The following USP42 variants were observed in gnomAD, a reference collection of about 807,000 sequenced individuals.
The protein encoded by USP42 is ubiquitin specific peptidase 42, also known as ubiquitin carboxyl-terminal hydrolase 42.
USP42 carries 23 observed loss-of-function variants against 113.0 expected under a neutral mutation model. The observed-to-expected ratio is 0.20, with a 90% confidence interval of 0.15 to 0.29. USP42 has a LOEUF of 0.29. Ranked by LOEUF, USP42 falls within the 10% of genes least tolerant of loss-of-function variation. The pLI is 1.00. For missense variants in USP42, 2,174 were observed against 1,779.8 expected, an observed-to-expected ratio of 1.22 and a Z score of -3.99; for synonymous variants, 933 against 699.0, an observed-to-expected ratio of 1.33 and a Z score of -5.28.
intron 14 of USP42, among the ~76,000 whole-genome samples, chr7:6,153,514 AAG>A (rs1419060774): frequency 2.6e-5 from 4 of 152,174 alleles, no homozygotes; most frequent in African/African-American, 9.7e-5. Flanking sequence ...GATGTATTTA[AAG>A]AGACGAAATA....
the USP42 span, among the ~76,000 whole-genome samples, chr7:6,087,277 C>T: frequency 1.7e-4 from 26 of 150,334 alleles, no homozygotes; most frequent in African/African-American, 6.0e-4. Context: ...GTGATCTGCC[C>T]GCCTTGGCCT....
chr7:6,153,302 C>CA (rs72036975), intron 14 of USP42, among the ~76,000 whole-genome samples: 28,753 of 132,986 alleles, frequency 0.22, 4,438 homozygotes, highest in East Asian at 0.46. Flanking sequence ...TGAAACAAAA[C>CA]AAAAAAAAAA....
At chr7:6,130,014 C>G (rs1780762027) in intron 3 of USP42, among the ~76,000 whole-genome samples, 1 of 152,056 alleles carries the variant, frequency 6.6e-6, no homozygotes, top group African/African-American at 2.4e-5. Context: ...GAGTCAGGGT[C>G]TTACTTTGTT....
chr7:6,130,155 A>G (rs1207509050), intron 3 of USP42, among the ~76,000 whole-genome samples: 2 of 151,910 alleles, frequency 1.3e-5, no homozygotes, highest in African/African-American at 2.4e-5. Context: ...CTGGCCATGG[A>G]TATTTTGGTG....
intron 3 of USP42, among the ~76,000 whole-genome samples, chr7:6,123,547 AG>A (rs1780354246): frequency 1.3e-5 from 2 of 152,124 alleles, no homozygotes; most frequent in Non-Finnish European, 2.9e-5. Flanking sequence ...CTGTAGTCCC[AG>A]CTACTCGGGA....
Position 6,159,855 on chromosome 7 carries a change from G to A in USP42, c.*36+362G>A, listed in dbSNP as rs1782671686. ...AGGGAGAGGCCCGGTCCCCAGCACA[G>A]GCACCTCACTCAGGAGAGCGGAGCC... On this transcript the variant is annotated intron_variant, in intron 17 of 17. Transcript: ENST00000306177. This position sits in a 1 kb window ranked among gnomAD's most constrained non-coding sequence, Gnocchi z 4.1. Among the ~76,000 whole-genome samples, 1 of 152,226 alleles carries A rather than the reference G, an allele frequency of 6.6e-6. No homozygotes were observed. The highest frequency in any genetic ancestry group is 1.5e-5 in the Non-Finnish European group (1 of 68,040).
At chr7:6,135,651 CAAAAAAAAA>C (rs1173165919) in intron 3 of USP42, among the ~76,000 whole-genome samples, 181 bp from the exon 4 acceptor site, 2 of 16,160 alleles carry the variant, frequency 1.2e-4, no homozygotes, top group Non-Finnish European at 2.8e-4. Context: ...GACTCCATCT[CAAAAAAAAA>C]AAAAAAAAAA....
At position 6,153,978 on chromosome 7, in the gene USP42, C is replaced by T. The variant is rs747984591; in HGVS notation, c.2424C>T (p.Asp808=). The T allele has an allele frequency of 3.1e-6, 5 of 1,596,792 alleles. No individual in the cohort carries two copies. In the East Asian group the frequency reaches 6.7e-5, roughly 21 times the overall value. ...AGCCTCCGCCCAGCGCCGGCGAGGA[C>T]ATCGTGGGGGACACAGCACCCCCTG... ...PEEPPPSAGE[D]IVGDTAPPDL... is the part of the protein sequence containing the mutation. The change falls in exon 15 of 18, where the codon GAC becomes GAT. Residue 808 remains aspartate, a synonymous_variant. Coordinates refer to ENST00000306177, the MANE Select transcript of USP42 (RefSeq NM_032172.3).
At position 6,155,030 on chromosome 7, in the gene USP42, C is replaced by T; in HGVS notation, c.3476C>T (p.Ser1159Phe). The change falls in exon 15 of 18, where the codon TCC becomes TTC. Residue 1159 changes from serine to phenylalanine, a missense_variant. Physicochemically the swap from Ser to Phe is radical, Grantham distance 155. Transcript: ENST00000306177. ...TTTCACGAACACGAAAATGGAAAGTCCCGGAAACGGAGACACGACAGTGTG... is the reference window on the plus strand; with the variant it reads ...TTTCACGAACACGAAAATGGAAAGTTCCGGAAACGGAGACACGACAGTGTG... ...DRFHEHENGK[S>F]RKRRHDSVEN... The T allele has an allele frequency of 6.4e-7, 1 of 1,563,904 alleles. No homozygotes were observed. The highest frequency in any genetic ancestry group is 2.4e-5 in the East Asian group (1 of 41,938).
upstream of USP42, among the ~76,000 whole-genome samples, chr7:6,100,948 G>A (rs572308588): frequency 6.6e-6 from 1 of 151,118 alleles, no homozygotes; most frequent in Non-Finnish European, 1.5e-5. Context: ...GACTATAGGT[G>A]TGTGCCACTG....
chr7:6,105,359 C>T (rs1779209028), intron 1 of USP42, among the ~76,000 whole-genome samples: 1 of 148,882 alleles, frequency 6.7e-6, no homozygotes, highest in Admixed American at 6.7e-5. Flanking sequence ...CCCCACCCGG[C>T]CCCAGCCCGC....
chr7:6,104,585 AAAGCCCAAAGTCCT>A (rs1208691614), upstream of USP42, among the ~76,000 whole-genome samples: 5 of 152,204 alleles, frequency 3.3e-5, no homozygotes, highest in Non-Finnish European at 7.4e-5. Flanking sequence ...GGACGAGGCG[AAAGCCCAAAGTCCT>A]ACGCCCGCCG....
chr7:6,146,907 C>T (rs555687577), intron 11 of USP42, among the ~76,000 whole-genome samples: 1 of 152,334 alleles, frequency 6.6e-6, no homozygotes, highest in South Asian at 2.1e-4. Flanking sequence ...CTGGCGTGGT[C>T]ACAGCCAGCA....
rs1037520005 is a variant in USP42, at chr7:6,153,827, A to C, written c.2273A>C (p.Glu758Ala). ...CCTCAGCCTGGCAGCCCCGCCGCCG[A>C]ATCCCTGGAGGAGCCAGATGCGGCC... ...AEPQPGSPAA[E>A]SLEEPDAAAG... Residue 758 changes from glutamate to alanine, a missense_variant, in exon 15 of 18, where the codon GAA becomes GCA. Glu to Ala is a moderately radical substitution (Grantham distance 107, BLOSUM62 -1). Coordinates refer to ENST00000306177, the MANE Select transcript of USP42 (RefSeq NM_032172.3). 5.0e-5 allele frequency: 77 copies of C among 1,535,926 alleles called. No homozygotes were observed. Among genetic ancestry groups the C allele is most frequent in the Non-Finnish European group, 6.5e-5 (74 of 1,139,832 alleles).
rs1782577889 is a variant in USP42, at chr7:6,158,311, C to T, written c.3944-1139C>T. Reference sequence around the variant, plus strand: ...AAAGCGGAAAATGTTTATTATTGCCCCTTGACAGAAAGGGTTTGTCACCCC... The same window carrying T: ...AAAGCGGAAAATGTTTATTATTGCCTCTTGACAGAAAGGGTTTGTCACCCC... On this transcript the variant is annotated intron_variant, in intron 16 of 17. Coordinates refer to ENST00000306177, the MANE Select transcript of USP42 (RefSeq NM_032172.3). This position sits in a 1 kb window ranked among gnomAD's most constrained non-coding sequence, Gnocchi z 4.2. Among the ~76,000 whole-genome samples, 1 of 152,202 alleles carries T rather than the reference C, an allele frequency of 6.6e-6. No individual in the cohort carries two copies. The highest frequency in any genetic ancestry group is 2.4e-5 in the African/African-American group (1 of 41,450).
chr7:6,147,515 T>C (rs553253407), intron 11 of USP42, among the ~76,000 whole-genome samples: 5 of 152,300 alleles, frequency 3.3e-5, no homozygotes, highest in East Asian at 1.9e-4. Flanking sequence ...GAAAACACAG[T>C]TTAAAGAACG....
At chr7:6,092,044 C>CTT in the USP42 span, among the ~76,000 whole-genome samples, 1,512 of 87,220 alleles carry the variant, frequency 0.017, 153 homozygotes, top group Middle Eastern at 0.056. Flanking sequence ...TCTTCTTCTT[C>CTT]TTCTTCTTCT....
chr7:6,151,395 G>A (rs1387767690), intron 14 of USP42, among the ~76,000 whole-genome samples: 2 of 152,112 alleles, frequency 1.3e-5, no homozygotes, highest in Admixed American at 6.5e-5. Context: ...ATAACACTTA[G>A]CTTAAAACAC....
rs1347397615 is a variant in USP42, at chr7:6,147,793, C to T, written c.1287C>T (p.Gly429=). The change falls in exon 12 of 18, where the codon GGC becomes GGT. Residue 429 remains glycine (G), a synonymous_variant. Coordinates refer to ENST00000306177, the MANE Select transcript of USP42 (RefSeq NM_032172.3). ...GELTHPTHSP[G]QSSPRPVISQ... ...TTACTCATCCCACCCATAGCCCCGG[C>T]CAGTCCTCTCCCCGCCCCGTCATCA... The T allele has an allele frequency of 6.2e-7, 1 of 1,612,726 alleles. No individual in the cohort carries two copies. Among genetic ancestry groups the T allele is most frequent in the Non-Finnish European group, 8.5e-7 (1 of 1,179,012 alleles).
Sources: allele counts gnomAD v4.1 joint callset (sites outside exome capture counted in the v4.1 genomes callset), GRCh38; gene constraint gnomAD v4.1.1; non-coding constraint Gnocchi (gnomAD v3.1); transcripts MANE v1.5; gene names NCBI Gene and HGNC (gene_info 2026-07-23, HGNC 2026-07-21).